Variants in PIK3CA observed in about 807,000 individuals in gnomAD.
The protein encoded by PIK3CA is phosphatidylinositol 4,5-bisphosphate 3-kinase catalytic subunit alpha isoform.
PIK3CA carries 27 observed loss-of-function variants against 138.2 expected under a neutral mutation model. The observed-to-expected ratio is 0.20, with a 90% CI of 0.14 to 0.27. PIK3CA has a LOEUF of 0.27. Among genes scored for constraint, PIK3CA ranks in the 10% least tolerant of loss-of-function variants. PIK3CA has a pLI of 1.00. For missense variants in PIK3CA, 544 were observed against 1,277.4 expected, an observed-to-expected ratio of 0.43 and a Z score of 8.75; for synonymous variants, 358 against 413.2, an observed-to-expected ratio of 0.87 and a Z score of 1.62.
intron 1 of PIK3CA, among the ~76,000 whole-genome samples, chr3:179,182,921 AG>A (rs1408888850): frequency 5.9e-5 from 9 of 152,224 alleles, no homozygotes; most frequent in African/African-American, 1.9e-4. Context: ...ATTATCGAAA[AG>A]ATGGATTTTT....
chr3:179,155,572 A>G (rs1430684775), intron 1 of PIK3CA, among the ~76,000 whole-genome samples: 2 of 152,180 alleles, frequency 1.3e-5, no homozygotes, highest in African/African-American at 2.4e-5. Flanking sequence ...CAGTAGAACA[A>G]CTATTTACAT....
In PIK3CA at chr3:179,218,233, T is replaced by C. The variant is rs756835265; in HGVS notation, c.1563T>C (p.Asn521=). Residue 521 remains asparagine (N), a synonymous_variant, in exon 10 of 21, where the codon AAT becomes AAC. Transcript: ENST00000263967. ...AGAGTAACAGACTAGCTAGAGACAA[T>C]GAATTAAGGGAAAATGACAAAGAAC... The part of the protein sequence containing the change: ...AGLSNRLARD[N]ELRENDKEQL... The C allele has an allele frequency of 3.4e-5, 54 of 1,606,766 alleles. No homozygotes were observed. The highest frequency in any genetic ancestry group is 4.2e-5 in the Non-Finnish European group (49 of 1,175,610).
chr3:179,209,187 C>G (rs1243470680), intron 6 of PIK3CA, among the ~76,000 whole-genome samples: 1 of 151,742 alleles, frequency 6.6e-6, no homozygotes, highest in Non-Finnish European at 1.5e-5. Flanking sequence ...TGGTTTTATT[C>G]CTACAATTGG....
At position 179,199,872 on chromosome 3, in the gene PIK3CA, A is replaced by G; in HGVS notation, c.535A>G (p.Lys179Glu). The G allele has an allele frequency of 5.0e-6, 8 of 1,605,662 alleles. No homozygotes were observed. The highest frequency in any genetic ancestry group is 6.8e-6 in the Non-Finnish European group (8 of 1,172,472). Residue 179 changes from lysine (K) to glutamate (E), a missense_variant, in exon 3 of 21, where the codon AAG (lysine) becomes GAG (glutamate). This residue lies in a region of PIK3CA where 234 missense variants were observed against 401.3 expected (regional missense o/e 0.58). Transcript: ENST00000263967. ...TGTAGAATCTTCACCAGAATTGCCA[A>G]AGCACATATATAATAAATTAGATAA... ...PNVESSPELP[K>E]HIYNKLDKGQ... is the part of the protein sequence containing the mutation.
rs532506430 is a variant in PIK3CA at position 179,167,077 on chromosome 3, GTTATATC to G, written c.-77+18480_-77+18486del. On this transcript the variant is annotated intron_variant, in intron 1 of 20. Coordinates refer to ENST00000263967, the MANE Select transcript of PIK3CA (RefSeq NM_006218.4). Reference sequence around the variant, plus strand: ...AAATGTATTAAACACTTGAAAAACTGTTATATCTTATAGGATTTCCAAAAAGAGTTCT... The same window carrying G: ...AAATGTATTAAACACTTGAAAAACTGTTATAGGATTTCCAAAAAGAGTTCT... Among the ~76,000 whole-genome samples the G allele has an allele frequency of 6.6e-4, 100 of 152,130 alleles. 1 individual carries two copies. Among genetic ancestry groups the G allele is most frequent in the South Asian group, 4.6e-3 (22 of 4,826 alleles).
Position 179,149,296 on chromosome 3 carries a change from T to G in PIK3CA, c.-77+693T>G, listed in dbSNP as rs111586306. 1.3e-3 allele frequency among the ~76,000 whole-genome samples: 201 copies of G among 152,262 alleles called. 3 individuals carry two copies. The highest frequency in any genetic ancestry group is 4.4e-3 in the African/African-American group (183 of 41,546). ...TACTAAGTGTATTATGTGATGCCTGTTCCATGGCTCTTAAGTGGCTCGGAA... is the reference window on the plus strand; with the variant it reads ...TACTAAGTGTATTATGTGATGCCTGGTCCATGGCTCTTAAGTGGCTCGGAA... On this transcript the variant is annotated intron_variant, in intron 1 of 20. Coordinates refer to ENST00000263967, the MANE Select transcript of PIK3CA (RefSeq NM_006218.4).
chr3:179,178,582 T>C (rs531495276), intron 1 of PIK3CA, among the ~76,000 whole-genome samples: 1 of 152,190 alleles, frequency 6.6e-6, no homozygotes, highest in South Asian at 2.1e-4. Context: ...GAACTATTTC[T>C]TATAAAGTTA....
In PIK3CA at chr3:179,194,751, T is replaced by C. The variant is rs550540287; in HGVS notation, c.-76-3999T>C. Reference sequence around the variant, plus strand: ...TGTGGCAACCTAGAACACCTGTCTATAGGCTCTCTTACATCAGGCCATACC... The same window carrying C: ...TGTGGCAACCTAGAACACCTGTCTACAGGCTCTCTTACATCAGGCCATACC... On this transcript the variant is annotated intron_variant, in intron 1 of 20. Transcript: ENST00000263967. 3.9e-5 allele frequency among the ~76,000 whole-genome samples: 6 copies of C among 152,262 alleles called. No individual in the cohort carries two copies. In the South Asian group the frequency reaches 1.2e-3, roughly 32 times the overall value.
At position 179,230,493 on chromosome 3, in the gene PIK3CA, G is replaced by A. The variant is rs1419044815; in HGVS notation, c.2936+117G>A. ...ATGTTGGCTGGGTGTGGTGGTTCAT[G>A]CCTGTAATCCCAACTCTTTGGGAGG... On this transcript the variant is annotated intron_variant, in intron 20 of 20. Transcript: ENST00000263967. This position sits in a 1 kb window ranked among gnomAD's most constrained non-coding sequence, Gnocchi z 5.4. The A allele has an allele frequency of 1.2e-6, 1 of 868,804 alleles. No individual in the cohort carries two copies. Among genetic ancestry groups the A allele is most frequent in the Non-Finnish European group, 1.8e-6 (1 of 570,698 alleles). The allele number at this position is 868,804 out of a possible 1,614,324, so 53.8% of individuals were successfully genotyped here.
intron 1 of PIK3CA, among the ~76,000 whole-genome samples, chr3:179,184,724 T>C (rs1723933018): frequency 6.6e-6 from 1 of 152,204 alleles, no homozygotes; most frequent in South Asian, 2.1e-4. Context: ...TGGGGATTTT[T>C]TCCCCTCTGT....
At chr3:179,194,486 T>C (rs1421360708) in intron 1 of PIK3CA, among the ~76,000 whole-genome samples, 1 of 152,162 alleles carries the variant, frequency 6.6e-6, no homozygotes, top group African/African-American at 2.4e-5. Context: ...CCCAAAGTGC[T>C]GGGATTACAG....
At chr3:179,159,800 A>G (rs2108353480) in intron 1 of PIK3CA, among the ~76,000 whole-genome samples, 1 of 152,306 alleles carries the variant, frequency 6.6e-6, no homozygotes, top group African/African-American at 2.4e-5. Flanking sequence ...ATAGCTTACT[A>G]AACACCTATG....
chr3:179,148,620 C>G lies in PIK3CA; in HGVS notation c.-77+17C>G, dbSNP rs2699887. 1 of 152,338 alleles carries G rather than the reference C, an allele frequency of 6.6e-6. No homozygotes were observed. Among genetic ancestry groups the G allele is most frequent in the South Asian group, 2.1e-4 (1 of 4,858 alleles). The allele number at this position is 152,338 out of a possible 1,614,324, so 9.4% of individuals were successfully genotyped here. ...GCCCCGAGCGTGAGTAGAGCGCGGA[C>G]TGGCCGGTAGCGGGTGCGGTGGGAA... On this transcript the variant is annotated intron_variant, in intron 1 of 20. Coordinates refer to ENST00000263967, the MANE Select transcript of PIK3CA (RefSeq NM_006218.4).
chr3:179,174,949 A>G (rs946226241), intron 1 of PIK3CA, among the ~76,000 whole-genome samples: 9 of 152,152 alleles, frequency 5.9e-5, no homozygotes, highest in African/African-American at 1.9e-4. Flanking sequence ...TGTGATAATT[A>G]GTTTGGTTAT....
chr3:179,221,083 C>T lies in PIK3CA; in HGVS notation c.2113C>T (p.Gln705Ter), dbSNP rs2108413609. 1 of 1,612,756 alleles carries T rather than the reference C, an allele frequency of 6.2e-7. No homozygotes were observed. ...GATGTATTTGAAGCACCTGAATAGG[C>T]AAGTCGAGGCAATGGAAAAGCTCAT... The part of the protein sequence containing the change: ...CGMYLKHLNR[Q>*]VEAMEKLINL... The change falls in exon 14 of 21, where the codon CAA (glutamine) becomes TAA (stop). Residue 705 changes from glutamine to a stop codon, truncating the protein, a stop_gained. Coordinates refer to ENST00000263967, the MANE Select transcript of PIK3CA (RefSeq NM_006218.4). LOFTEE classifies it high-confidence loss of function.
intron 1 of PIK3CA, among the ~76,000 whole-genome samples, chr3:179,189,920 A>C (rs1724084958): frequency 6.6e-6 from 1 of 152,200 alleles, no homozygotes; most frequent in Non-Finnish European, 1.5e-5. Context: ...AATGGATAAT[A>C]TGCATCCTTC....
In PIK3CA at chr3:179,239,904, A is replaced by G. The variant is rs994151424; in HGVS notation, c.*5540A>G. The G allele has an allele frequency of 1.2e-5, 9 of 767,774 alleles. No homozygotes were observed. The highest frequency in any genetic ancestry group is 1.9e-5 in the Non-Finnish European group (9 of 468,188). The allele number at this position is 767,774 out of a possible 1,614,324, so 47.6% of individuals were successfully genotyped here. The stretch of plus-strand genomic sequence containing the variant: ...CACAGCAAGATGCATGTGTTACTAT[A>G]TTGAGAATATAGAATAATAACAGTA... On this transcript the variant is annotated 3_prime_UTR_variant, in exon 21 of 21. Coordinates refer to ENST00000263967, the MANE Select transcript of PIK3CA (RefSeq NM_006218.4).
intron 9 of PIK3CA, among the ~76,000 whole-genome samples, chr3:179,211,332 C>A (rs1724704431): frequency 6.6e-6 from 1 of 152,172 alleles, no homozygotes; most frequent in African/African-American, 2.4e-5. Flanking sequence ...ATAGCCACCT[C>A]CTGTTGCTAT....
intron 6 of PIK3CA, among the ~76,000 whole-genome samples, chr3:179,208,150 T>C (rs1318710856): frequency 2.6e-5 from 4 of 152,194 alleles, no homozygotes; most frequent in Admixed American, 1.3e-4. Flanking sequence ...CTTGTTTCTA[T>C]AAATAGACCA....
Sources: gnomAD v4.1 joint callset for allele counts (sites outside exome capture counted in the v4.1 genomes callset) on GRCh38, gnomAD v4.1.1 for gene constraint, gnomAD v4.1.1 regional missense constraint, Gnocchi (gnomAD v3.1) non-coding constraint, MANE v1.5 for transcripts, NCBI Gene and HGNC (gene_info 2026-07-23, HGNC 2026-07-21) for gene names.